CCDC3: variants seen among roughly 807,000 people sequenced by gnomAD.
The protein encoded by CCDC3 is coiled-coil domain containing 3.
In CCDC3, 24 loss-of-function variants were observed where a neutral mutation model predicts 21.4. The observed-to-expected ratio is 1.12, with a 90% CI of 0.81 to 1.58. The LOEUF is 1.58. Among genes scored for constraint, CCDC3 ranks in the 40% most tolerant of loss-of-function variants. CCDC3 has a pLI of 0.00. For missense variants in CCDC3, 425 were observed against 360.9 expected (o/e 1.18, Z -1.44); for synonymous variants, 186 against 166.0 (o/e 1.12, Z -0.93).
chr10:12,908,622 T>G (rs1452138796), intron 2 of CCDC3, among the ~76,000 whole-genome samples: 1 of 151,620 alleles, frequency 6.6e-6, no homozygotes, highest in African/African-American at 2.4e-5. Context: ...CTTTTTTTTT[T>G]TTTTTGAGAC....
chr10:13,081,682 C>T (rs1022657397), intron 3 of CCDC3, among the ~76,000 whole-genome samples: 1 of 152,208 alleles, frequency 6.6e-6, no homozygotes. Flanking sequence ...TATCACTCCT[C>T]CCAGACACAA....
At chr10:13,079,746 GA>G (rs1406604705) in intron 3 of CCDC3, among the ~76,000 whole-genome samples, 1 of 152,202 alleles carries the variant, frequency 6.6e-6, no homozygotes, top group Non-Finnish European at 1.5e-5. Flanking sequence ...CTCAGGGGAA[GA>G]AAGAGGCTAA....
intron 2 of CCDC3, among the ~76,000 whole-genome samples, chr10:12,982,486 T>C (rs1835514079): frequency 6.6e-6 from 1 of 151,876 alleles, no homozygotes; most frequent in Non-Finnish European, 1.5e-5. Context: ...TATTACGTGT[T>C]TTTTACCATA....
At chr10:12,901,015 G>A (rs1256221896) in intron 2 of CCDC3, among the ~76,000 whole-genome samples, 1 of 152,110 alleles carries the variant, frequency 6.6e-6, no homozygotes, top group Non-Finnish European at 1.5e-5. Context: ...CCAAGGTCAC[G>A]CCCCCTTCTT....
At chr10:12,966,585 T>G (rs1167178872) in intron 2 of CCDC3, among the ~76,000 whole-genome samples, 1 of 152,034 alleles carries the variant, frequency 6.6e-6, no homozygotes, top group African/African-American at 2.4e-5. Context: ...AAGCAGAAAA[T>G]TTTAGAGCAT....
chr10:13,003,969 C>T (rs1835896104), upstream of CCDC3, among the ~76,000 whole-genome samples: 1 of 152,198 alleles, frequency 6.6e-6, no homozygotes, highest in Non-Finnish European at 1.5e-5. Flanking sequence ...GATTGGGTTT[C>T]TCTTCCTGAT....
chr10:12,982,902 C>CAGGAGTTTG lies in CCDC3; in HGVS notation c.549+15427_549+15435dup, dbSNP rs1835523669. Reference sequence around the variant, plus strand: ...CCGAGGTGGGCAGATCACTTGAGATCAGGAGTTTGAGACCAGCCTGGCCAA... The same window carrying CAGGAGTTTG: ...CCGAGGTGGGCAGATCACTTGAGATCAGGAGTTTGAGGAGTTTGAGACCAGCCTGGCCAA... On this transcript the variant is annotated intron_variant, in intron 2 of 2. Coordinates refer to ENST00000378825, the MANE Select transcript of CCDC3 (RefSeq NM_031455.4). Among the ~76,000 whole-genome samples the CAGGAGTTTG allele has an allele frequency of 2.0e-5, 3 of 148,112 alleles. No individual in the cohort carries two copies. The Admixed American group carries it at 2.0e-4, about 10-fold the overall frequency.
intron 2 of CCDC3, among the ~76,000 whole-genome samples, chr10:12,985,697 A>C (rs1835577807): frequency 6.6e-6 from 1 of 152,176 alleles, no homozygotes; most frequent in African/African-American, 2.4e-5. Flanking sequence ...TGTACATAAC[A>C]CCTGAAATAA....
intron 2 of CCDC3, among the ~76,000 whole-genome samples, chr10:12,923,491 G>C (rs933440976): frequency 6.6e-6 from 1 of 152,024 alleles, no homozygotes; most frequent in Non-Finnish European, 1.5e-5. Flanking sequence ...CCTTCACAAA[G>C]CCAGTCCTGG....
exon 4 of CCDC3, chr10:13,073,964 G>C (rs1836918410): frequency 6.6e-6 from 1 of 151,700 alleles, no homozygotes. Flanking sequence ...ACACCATGCA[G>C]TGTAGATCAT....
At chr10:12,963,426 C>A (rs78018654) in intron 2 of CCDC3, among the ~76,000 whole-genome samples, 4,211 of 152,286 alleles carry the variant, frequency 0.028, 91 homozygotes, top group East Asian at 0.086. Context: ...CATAGCACTT[C>A]CCACGTCTTC....
At chr10:12,910,065 T>C (rs895541432) in intron 2 of CCDC3, among the ~76,000 whole-genome samples, 4 of 152,228 alleles carry the variant, frequency 2.6e-5, no homozygotes, top group African/African-American at 9.6e-5. Context: ...GACTGATGAC[T>C]TGTCCACACA....
At chr10:12,916,692 G>A (rs1253441425) in intron 2 of CCDC3, among the ~76,000 whole-genome samples, 3 of 152,140 alleles carry the variant, frequency 2.0e-5, no homozygotes, top group Non-Finnish European at 2.9e-5. Flanking sequence ...AAAGCCTGGA[G>A]CCAAGTGGAC....
intron 4 of CCDC3, among the ~76,000 whole-genome samples, chr10:13,061,148 A>G (rs1321485436): frequency 2.0e-5 from 3 of 152,254 alleles, no homozygotes; most frequent in African/African-American, 7.2e-5. Context: ...TGATTGTGTT[A>G]TAAAACCCAA....
intron 2 of CCDC3, among the ~76,000 whole-genome samples, chr10:12,984,245 C>G (rs1249092331): frequency 6.6e-6 from 1 of 152,216 alleles, no homozygotes; most frequent in Non-Finnish European, 1.5e-5. Context: ...GGACAAAGGA[C>G]TTGAATAGAC....
At chr10:12,974,958 C>A (rs1041778860) in intron 2 of CCDC3, among the ~76,000 whole-genome samples, 3 of 152,172 alleles carry the variant, frequency 2.0e-5, no homozygotes, top group African/African-American at 7.2e-5. Context: ...CATTCCTAAC[C>A]CCTGCGAGGT....
chr10:12,911,720 T>C (rs1834273895), intron 2 of CCDC3, among the ~76,000 whole-genome samples: 2 of 152,242 alleles, frequency 1.3e-5, no homozygotes, highest in Admixed American at 1.3e-4. Flanking sequence ...ATTGTATTGT[T>C]ATTAACTGTA....
chr10:12,930,508 T>C (rs1251562652), intron 2 of CCDC3, among the ~76,000 whole-genome samples: 1 of 152,176 alleles, frequency 6.6e-6, no homozygotes, highest in East Asian at 1.9e-4. Context: ...CGGGATGTCA[T>C]TTGGAAACAT....
chr10:13,093,242 A>G (rs1832597061), intron 3 of CCDC3, among the ~76,000 whole-genome samples: 1 of 152,152 alleles, frequency 6.6e-6, no homozygotes, highest in Non-Finnish European at 1.5e-5. Flanking sequence ...GGCGAAAAGC[A>G]CATCTTACAT....
Sources: allele counts gnomAD v4.1 joint callset (sites outside exome capture counted in the v4.1 genomes callset), GRCh38; gene constraint gnomAD v4.1.1; transcripts MANE v1.5; gene names NCBI Gene and HGNC (gene_info 2026-07-23, HGNC 2026-07-21).